Variants in SLC24A2 observed in about 807,000 individuals in gnomAD.
The protein encoded by SLC24A2 is sodium/potassium/calcium exchanger 2.
SLC24A2 carries 36 observed loss-of-function variants against 62.0 expected under a neutral mutation model. The observed-to-expected ratio is 0.58, with a 90% CI of 0.44 to 0.77. The LOEUF is 0.77. SLC24A2 is among the 30% of genes least tolerant of loss of function. SLC24A2 has a pLI of 0.00. For synonymous variants in SLC24A2, 358 were observed against 294.0 expected, an observed-to-expected ratio of 1.22 and a Z score of -2.23; for missense variants, 846 against 817.9, an observed-to-expected ratio of 1.03 and a Z score of -0.42.
chr9:20,119,961 G>T, the SLC24A2 span, among the ~76,000 whole-genome samples: 9 of 152,256 alleles, frequency 5.9e-5, no homozygotes, highest in African/African-American at 1.9e-4. Context: ...GGTTAGAAGT[G>T]TGACACAAGT....
the SLC24A2 span, among the ~76,000 whole-genome samples, chr9:20,112,008 A>G: frequency 6.6e-6 from 1 of 152,334 alleles, no homozygotes; most frequent in Admixed American, 6.5e-5. Context: ...GTTTTGAATA[A>G]TAACTAGGTC....
At chr9:19,813,610 C>T in the SLC24A2 span, among the ~76,000 whole-genome samples, 1 of 152,010 alleles carries the variant, frequency 6.6e-6, no homozygotes, top group African/African-American at 2.4e-5. Flanking sequence ...TGAACCACCA[C>T]GTCCAGCCCA....
intron 2 of SLC24A2, among the ~76,000 whole-genome samples, chr9:19,724,990 T>C (rs1821129467): frequency 6.6e-6 from 1 of 152,192 alleles, no homozygotes; most frequent in Non-Finnish European, 1.5e-5. Context: ...GGAGCTCACG[T>C]GCTTCAAAAC....
At chr9:20,238,435 C>G in the SLC24A2 span, among the ~76,000 whole-genome samples, 1 of 152,172 alleles carries the variant, frequency 6.6e-6, no homozygotes, top group Admixed American at 6.5e-5. Flanking sequence ...TGTTCTAGCA[C>G]CCACCATACC....
chr9:19,909,618 A>G, the SLC24A2 span, among the ~76,000 whole-genome samples: 1 of 152,142 alleles, frequency 6.6e-6, no homozygotes, highest in Non-Finnish European at 1.5e-5. Context: ...ATATTTTAGA[A>G]AGGTCTGTTT....
intron 4 of SLC24A2, among the ~76,000 whole-genome samples, chr9:19,617,847 T>C (rs1817809531): frequency 6.6e-6 from 1 of 152,184 alleles, no homozygotes; most frequent in South Asian, 2.1e-4. Context: ...GAAGATTACT[T>C]GGGCTGCTGC....
At chr9:20,052,666 A>G in the SLC24A2 span, among the ~76,000 whole-genome samples, 6 of 152,066 alleles carry the variant, frequency 3.9e-5, no homozygotes, top group Admixed American at 2.0e-4. Flanking sequence ...GACTCTACCT[A>G]TTCTCCAATT....
At chr9:20,165,052 T>G in the SLC24A2 span, among the ~76,000 whole-genome samples, 2 of 150,248 alleles carry the variant, frequency 1.3e-5, no homozygotes, top group South Asian at 4.2e-4. Flanking sequence ...AGTTAATGGG[T>G]GCAGCACACC....
chr9:20,213,096 G>A, the SLC24A2 span, among the ~76,000 whole-genome samples: 1 of 151,538 alleles, frequency 6.6e-6, no homozygotes, highest in Non-Finnish European at 1.5e-5. Flanking sequence ...GTAGGTGATG[G>A]GTTGATAAGT....
chr9:19,838,601 T>G, the SLC24A2 span, among the ~76,000 whole-genome samples: 1 of 149,984 alleles, frequency 6.7e-6, no homozygotes, highest in Non-Finnish European at 1.5e-5. Flanking sequence ...ACGGTGCCAC[T>G]GCACTCCAGC....
chr9:19,514,820 C>T lies in SLC24A2; in HGVS notation c.*1333G>A, dbSNP rs563775471. 2.0e-5 allele frequency: 3 copies of T among 152,330 alleles called. No individual in the cohort carries two copies. In the South Asian group the frequency reaches 6.2e-4, roughly 32 times the overall value. 9.4% of individuals were successfully genotyped at this position (152,330 alleles called of 1,614,324 possible). On this transcript the variant is annotated 3_prime_UTR_variant, in exon 11 of 11. Coordinates refer to ENST00000341998, the MANE Select transcript of SLC24A2 (RefSeq NM_020344.4). ...ACTCGACCTGGCACTCAGAAACCTTCCTGGGGTGCACTGAGTGTGCAAATG... is the reference window on the plus strand; with the variant it reads ...ACTCGACCTGGCACTCAGAAACCTTTCTGGGGTGCACTGAGTGTGCAAATG...
chr9:20,264,909 C>T, the SLC24A2 span, among the ~76,000 whole-genome samples: 1 of 152,216 alleles, frequency 6.6e-6, no homozygotes, highest in Admixed American at 6.5e-5. Context: ...CAAGACGGCT[C>T]AGGAGTCACT....
the SLC24A2 span, among the ~76,000 whole-genome samples, chr9:20,078,786 A>G: frequency 6.6e-6 from 1 of 152,124 alleles, no homozygotes; most frequent in East Asian, 1.9e-4. Context: ...CCCTATCCCA[A>G]TCCTCATCAA....
chr9:20,192,387 A>ATT, the SLC24A2 span, among the ~76,000 whole-genome samples: 2 of 152,158 alleles, frequency 1.3e-5, no homozygotes, highest in African/African-American at 4.8e-5. Flanking sequence ...ATATATATAT[A>ATT]TATTTAAGAA....
At chr9:19,597,184 T>C (rs1836726378) in intron 5 of SLC24A2, 45 bp downstream of exon 5, 3 of 1,281,770 alleles carry the variant, frequency 2.3e-6, no homozygotes, top group East Asian at 2.3e-5. Context: ...ACAGACACCA[T>C]AAATGTAAAA....
At position 19,712,330 on chromosome 9, in the gene SLC24A2, T is replaced by C. The variant is rs544784434; in HGVS notation, c.930+73607A>G. Among the ~76,000 whole-genome samples the C allele has an allele frequency of 2.0e-5, 3 of 152,308 alleles. No homozygotes were observed. In the South Asian group the frequency reaches 6.2e-4, roughly 32 times the overall value. On this transcript the variant is annotated intron_variant, in intron 2 of 10. Transcript: ENST00000341998. ...CGAGAACTCTATTCCAGAACTTTAG[T>C]GAAATGATCTTTGCAACCTGTGGAG...
chr9:20,236,327 A>G, the SLC24A2 span, among the ~76,000 whole-genome samples: 1 of 152,176 alleles, frequency 6.6e-6, no homozygotes, highest in African/African-American at 2.4e-5. Flanking sequence ...ATACAATACT[A>G]TCTGAGTGGG....
chr9:20,103,325 T>C, the SLC24A2 span, among the ~76,000 whole-genome samples: 2 of 152,102 alleles, frequency 1.3e-5, no homozygotes, highest in African/African-American at 4.8e-5. Context: ...AGTCCCTGTC[T>C]GACAGCTTTG....
chr9:19,799,579 C>T, the SLC24A2 span, among the ~76,000 whole-genome samples: 1 of 152,336 alleles, frequency 6.6e-6, no homozygotes, highest in Middle Eastern at 3.4e-3. Flanking sequence ...CTTAAAACCA[C>T]AGATAACATA....
Sources: allele counts gnomAD v4.1 joint callset (sites outside exome capture counted in the v4.1 genomes callset), GRCh38; gene constraint gnomAD v4.1.1; transcripts MANE v1.5; gene names NCBI Gene and HGNC (gene_info 2026-07-23, HGNC 2026-07-21).